CBL: variants seen among roughly 807,000 people sequenced by gnomAD.
CBL encodes the protein Cbl proto-oncogene, also known as E3 ubiquitin-protein ligase CBL.
A neutral mutation model predicts 96.9 loss-of-function variants in CBL; 45 were observed. The ratio of observed to expected loss-of-function variants is 0.46; its 90% CI spans 0.37 to 0.60. The LOEUF is 0.60. Ranked by LOEUF, CBL falls within the 20% of genes least tolerant of loss-of-function variation. CBL has a pLI of 0.00. For missense variants in CBL, 1,024 were observed against 1,143.5 expected (o/e 0.90, Z 1.51); for synonymous variants, 420 against 426.8 (o/e 0.98, Z 0.20).
At chr11:119,284,469 T>C (rs1949964845) in intron 9 of CBL, among the ~76,000 whole-genome samples, 1 of 151,980 alleles carries the variant, frequency 6.6e-6, no homozygotes, top group Admixed American at 6.6e-5. Context: ...TAATTTTTTA[T>C]TTTATTTTTT....
In CBL at chr11:119,308,034, T is replaced by G. The variant is rs1194842340; in HGVS notation, c.*8253T>G. The stretch of plus-strand genomic sequence containing the variant: ...AATGTTTAGAAGTCTGTTTTACTAA[T>G]GTTATTTATTAATTTTTTTTCATTT... On this transcript the variant is annotated 3_prime_UTR_variant, in exon 16 of 16. Transcript: ENST00000264033. The G allele has an allele frequency of 5.4e-6, 1 of 184,270 alleles. No individual in the cohort carries two copies. Among genetic ancestry groups the G allele is most frequent in the Admixed American group, 6.2e-5 (1 of 16,092 alleles). 11.4% of individuals were successfully genotyped at this position (184,270 alleles called of 1,614,324 possible).
chr11:119,253,412 G>A (rs1461224654), intron 2 of CBL, among the ~76,000 whole-genome samples: 1 of 137,648 alleles, frequency 7.3e-6, no homozygotes, highest in African/African-American at 2.8e-5. Context: ...GAGCCCAGGA[G>A]TTCGATCCAG....
Position 119,274,820 on chromosome 11 carries a change from T to C in CBL, c.748-12T>C, listed in dbSNP as rs1949876096. The C allele has an allele frequency of 5.0e-6, 8 of 1,613,006 alleles. No individual in the cohort carries two copies. The East Asian group carries it at 1.6e-4, about 31-fold the overall frequency. On this transcript the variant is annotated splice_polypyrimidine_tract_variant and intron_variant, in intron 4 of 15. Transcript: ENST00000264033. ...TGACCTGAATAGTCTGTGATTGATC[T>C]TGTTTCTTTAGCCCTGGTCCTCTTT...
At chr11:119,262,152 A>C (rs985420570) in intron 2 of CBL, among the ~76,000 whole-genome samples, 1 of 152,176 alleles carries the variant, frequency 6.6e-6, no homozygotes, top group East Asian at 1.9e-4. Context: ...CTTTCCATAA[A>C]CTCGTAACTC....
intron 2 of CBL, among the ~76,000 whole-genome samples, chr11:119,267,079 A>G (rs1949808319): frequency 6.6e-6 from 1 of 152,200 alleles, no homozygotes; most frequent in Non-Finnish European, 1.5e-5. Context: ...CATATACTGT[A>G]GACACTGAAC....
rs1392100263 is a variant in CBL at position 119,301,784 on chromosome 11, A to T, written c.*2003A>T. ...GTGGGGCAGAGGAAGATGGCAGTGA[A>T]TATCAAACAGTAGACCGCCATCAAC... On this transcript the variant is annotated 3_prime_UTR_variant, in exon 16 of 16. Coordinates refer to ENST00000264033, the MANE Select transcript of CBL (RefSeq NM_005188.4). 2.1e-5 allele frequency: 5 copies of T among 233,204 alleles called. No individual in the cohort carries two copies. The highest frequency in any genetic ancestry group is 4.2e-5 in the Non-Finnish European group (5 of 118,068). 14.4% of individuals were successfully genotyped at this position (233,204 alleles called of 1,614,324 possible).
intron 9 of CBL, among the ~76,000 whole-genome samples, chr11:119,281,466 C>T (rs754179031): frequency 1.3e-5 from 2 of 150,760 alleles, no homozygotes; most frequent in East Asian, 1.9e-4. Context: ...TGCTTTTCAG[C>T]GCTTCCTTTC....
At chr11:119,231,952 A>C (rs1565859647) in intron 1 of CBL, among the ~76,000 whole-genome samples, 1 of 151,606 alleles carries the variant, frequency 6.6e-6, no homozygotes, top group African/African-American at 2.4e-5. Flanking sequence ...AAAAACAACA[A>C]TTAGCTGGGT....
At chr11:119,227,708 G>A (rs568610809) in intron 1 of CBL, among the ~76,000 whole-genome samples, 1 of 151,974 alleles carries the variant, frequency 6.6e-6, no homozygotes, top group Non-Finnish European at 1.5e-5. Flanking sequence ...GGGCCACCAC[G>A]CCTGGCTAAT....
intron 5 of CBL, among the ~76,000 whole-genome samples, chr11:119,275,250 C>T (rs1484756579): frequency 6.6e-6 from 1 of 151,682 alleles, no homozygotes; most frequent in Admixed American, 6.6e-5. Flanking sequence ...ACCAGCCTGG[C>T]CAAAGTGGTA....
At position 119,307,739 on chromosome 11, in the gene CBL, G is replaced by A. The variant is rs1266343393; in HGVS notation, c.*7958G>A. ...TCAAGATTTTGAAATTCTTAGCCTGGGAGTGCTGGAGAGAACCTGATGCTT... is the reference window on the plus strand; with the variant it reads ...TCAAGATTTTGAAATTCTTAGCCTGAGAGTGCTGGAGAGAACCTGATGCTT... On this transcript the variant is annotated 3_prime_UTR_variant, in exon 16 of 16. Transcript: ENST00000264033. 1 of 221,104 alleles carries A rather than the reference G, an allele frequency of 4.5e-6. No individual in the cohort carries two copies. Among genetic ancestry groups the A allele is most frequent in the East Asian group, 6.7e-5 (1 of 14,954 alleles). 13.7% of individuals were successfully genotyped at this position (221,104 alleles called of 1,614,324 possible).
At chr11:119,226,647 G>A (rs1052193066) in intron 1 of CBL, among the ~76,000 whole-genome samples, 6 of 152,030 alleles carry the variant, frequency 3.9e-5, no homozygotes, top group East Asian at 1.9e-4. Flanking sequence ...TCATAGAGAC[G>A]GAATTTCACC....
chr11:119,291,970 C>T (rs903656491), intron 12 of CBL, among the ~76,000 whole-genome samples: 1 of 152,120 alleles, frequency 6.6e-6, no homozygotes, highest in Admixed American at 6.5e-5. Context: ...AGTTCTCCCA[C>T]CTCAGCCAAG....
rs1214746644 is a variant in CBL, at chr11:119,232,516, A to G, written c.264A>G (p.Leu88=). The change falls in exon 2 of 16, where the codon CTA becomes CTG. Residue 88 remains leucine (L), a synonymous_variant. Coordinates refer to ENST00000264033, the MANE Select transcript of CBL (RefSeq NM_005188.4). ...KNSPPYILDL[L]PDTYQHLRTI... ...GCCCACCTTATATCTTAGACCTGCT[A>G]CCAGATACCTACCAGCATCTCCGTA... 1.9e-6 allele frequency: 3 copies of G among 1,613,608 alleles called. No individual in the cohort carries two copies. The highest frequency in any genetic ancestry group is 1.3e-5 in the African/African-American group (1 of 74,926).
intron 1 of CBL, among the ~76,000 whole-genome samples, chr11:119,215,978 C>T (rs1188444566): frequency 6.6e-6 from 1 of 152,230 alleles, no homozygotes; most frequent in African/African-American, 2.4e-5. Context: ...GTGCTCCTTC[C>T]TGCAGCAGCT....
intron 9 of CBL, among the ~76,000 whole-genome samples, chr11:119,280,284 C>T (rs190022331): frequency 6.6e-6 from 1 of 152,160 alleles, no homozygotes; most frequent in African/African-American, 2.4e-5. Flanking sequence ...AACAGAGGGG[C>T]TTATGGGAAT....
intron 1 of CBL, among the ~76,000 whole-genome samples, chr11:119,212,003 C>A (rs1231358798): frequency 6.6e-6 from 1 of 151,912 alleles, no homozygotes; most frequent in Non-Finnish European, 1.5e-5. Context: ...CACTGCAGCC[C>A]CTGCCTCCCA....
At chr11:119,212,627 AAAAT>A (rs996088190) in intron 1 of CBL, among the ~76,000 whole-genome samples, 21 of 152,248 alleles carry the variant, frequency 1.4e-4, no homozygotes, top group African/African-American at 4.1e-4. Flanking sequence ...ACTCTGTCTC[AAAAT>A]AAATAAATGA....
chr11:119,288,971 TTTC>T (rs1343827748), intron 12 of CBL, among the ~76,000 whole-genome samples: 2 of 152,226 alleles, frequency 1.3e-5, no homozygotes, highest in African/African-American at 2.4e-5. Flanking sequence ...CTATGTGTAA[TTTC>T]TTCTTTAATT....
Sources: allele counts gnomAD v4.1 joint callset (sites outside exome capture counted in the v4.1 genomes callset), GRCh38; gene constraint gnomAD v4.1.1; transcripts MANE v1.5; gene names NCBI Gene and HGNC (gene_info 2026-07-23, HGNC 2026-07-21).